Variants in BLTP3A observed in about 807,000 individuals in gnomAD.
BLTP3A encodes ICBP90 binding protein 1.
chr6:34,813,378 G>A, the BLTP3A span, among the ~76,000 whole-genome samples: 4 of 152,230 alleles, frequency 2.6e-5, no homozygotes, highest in South Asian at 2.1e-4. Flanking sequence ...GAAATTCTGC[G>A]AATTTGCAAA....
the BLTP3A span, among the ~76,000 whole-genome samples, chr6:34,855,243 G>C: frequency 3.9e-5 from 6 of 152,146 alleles, no homozygotes; most frequent in Admixed American, 3.9e-4. Flanking sequence ...GCCTCTTCGT[G>C]TGTTGTGTTG....
the BLTP3A span, among the ~76,000 whole-genome samples, chr6:34,826,269 G>A: frequency 6.6e-5 from 10 of 151,700 alleles, no homozygotes; most frequent in African/African-American, 2.2e-4. Flanking sequence ...TGATCCACCC[G>A]GCTTGGCCTC....
the BLTP3A span, chr6:34,873,813 G>A: frequency 6.6e-6 from 1 of 152,402 alleles, no homozygotes. Flanking sequence ...GCATACTCTA[G>A]TTTGATGAGG....
the BLTP3A span, among the ~76,000 whole-genome samples, chr6:34,844,423 C>T: frequency 7.9e-5 from 12 of 152,132 alleles, no homozygotes; most frequent in South Asian, 6.2e-4. Context: ...TACAGGCACT[C>T]GTGACCATGA....
At chr6:34,858,040 A>G in the BLTP3A span, 1 of 1,562,650 alleles carries the variant, frequency 6.4e-7, no homozygotes, top group Admixed American at 1.9e-5. Flanking sequence ...CACAGCCCAA[A>G]GGATCTTTTA....
chr6:34,866,702 G>A, the BLTP3A span, among the ~76,000 whole-genome samples: 2 of 152,016 alleles, frequency 1.3e-5, no homozygotes, highest in Non-Finnish European at 2.9e-5. Flanking sequence ...TTCTTCTTGC[G>A]AAACAGAAAC....
At chr6:34,822,833 G>C in the BLTP3A span, among the ~76,000 whole-genome samples, 1 of 150,438 alleles carries the variant, frequency 6.6e-6, no homozygotes, top group African/African-American at 2.5e-5. Context: ...TGGGTGATAA[G>C]AGTAAGACTC....
chr6:34,822,053 T>C, the BLTP3A span: 1 of 1,452,316 alleles, frequency 6.9e-7, no homozygotes, highest in East Asian at 2.3e-5. Flanking sequence ...CTTTTAGGAA[T>C]GGTGGGTGTC....
chr6:34,864,145 G>A, the BLTP3A span: 157 of 1,614,080 alleles, frequency 9.7e-5, 1 homozygote, highest in Middle Eastern at 8.2e-4. Context: ...CCTGAAGACC[G>A]GATTTCAGTG....
At chr6:34,836,513 G>C in the BLTP3A span, among the ~76,000 whole-genome samples, 43 of 152,326 alleles carry the variant, frequency 2.8e-4, no homozygotes, top group East Asian at 7.5e-3. Flanking sequence ...TGGTAGCCCT[G>C]TTGTTTGAGG....
chr6:34,796,045 A>G, the BLTP3A span, among the ~76,000 whole-genome samples: 1 of 152,158 alleles, frequency 6.6e-6, no homozygotes, highest in Non-Finnish European at 1.5e-5. Context: ...CCTGGGGAGG[A>G]ACTATGACTC....
the BLTP3A span, among the ~76,000 whole-genome samples, chr6:34,820,179 A>G: frequency 1.3e-5 from 2 of 152,126 alleles, no homozygotes; most frequent in Non-Finnish European, 1.5e-5. Context: ...AAAAAAAATA[A>G]CAGCTTGCTT....
chr6:34,794,542 G>A, the BLTP3A span, among the ~76,000 whole-genome samples: 191 of 152,266 alleles, frequency 1.3e-3, 1 homozygote, highest in Admixed American at 3.1e-3. Context: ...AAGATTAAGA[G>A]GAAGGAGCAG....
the BLTP3A span, among the ~76,000 whole-genome samples, chr6:34,869,828 A>G: frequency 6.6e-6 from 1 of 150,914 alleles, no homozygotes; most frequent in Non-Finnish European, 1.5e-5. Flanking sequence ...ATTTTTTTGT[A>G]TTTTTAGACA....
At chr6:34,857,446 T>C in the BLTP3A span, 2 of 1,614,148 alleles carry the variant, frequency 1.2e-6, no homozygotes, top group Non-Finnish European at 1.7e-6. Context: ...AGAGTATTAC[T>C]TCCCAGATAA....
the BLTP3A span, among the ~76,000 whole-genome samples, chr6:34,849,993 A>T: frequency 6.6e-6 from 1 of 152,016 alleles, no homozygotes; most frequent in Non-Finnish European, 1.5e-5. Flanking sequence ...GAAATACAAA[A>T]TTAGCCGGGT....
chr6:34,806,957 GCAGATAA>G, the BLTP3A span, among the ~76,000 whole-genome samples: 1,589 of 152,254 alleles, frequency 0.01, 10 homozygotes, highest in Non-Finnish European at 0.016. Flanking sequence ...ATTGCACCCA[GCAGATAA>G]CCTATTCTTA....
At chr6:34,809,741 G>T in the BLTP3A span, among the ~76,000 whole-genome samples, 1 of 151,680 alleles carries the variant, frequency 6.6e-6, no homozygotes, top group Non-Finnish European at 1.5e-5. Flanking sequence ...TTTTTAGTAG[G>T]GACGGGGTTT....
the BLTP3A span, among the ~76,000 whole-genome samples, chr6:34,800,956 T>C: frequency 3.3e-5 from 5 of 152,168 alleles, no homozygotes; most frequent in Admixed American, 3.3e-4. Context: ...CTCAAACTCC[T>C]GGCCTCAAGT....
Sources: gnomAD v4.1 joint callset for allele counts (sites outside exome capture counted in the v4.1 genomes callset) on GRCh38, gnomAD v4.1.1 for gene constraint, MANE v1.5 for transcripts, NCBI Gene and HGNC (gene_info 2026-07-23, HGNC 2026-07-21) for gene names.